Variants in GPC3 observed in about 807,000 individuals in gnomAD.
GPC3 encodes the protein glypican 3.
GPC3 carries 3 observed loss-of-function variants against 34.4 expected under a neutral mutation model. The observed-to-expected ratio is 0.09, with a 90% CI of 0.04 to 0.23. The LOEUF is 0.23. Among genes scored for constraint, GPC3 ranks in the 10% least tolerant of loss-of-function variants. GPC3 has a pLI of 1.00. For missense variants in GPC3, 351 were observed against 445.6 expected (o/e 0.79, Z 1.91); for synonymous variants, 177 against 174.0 (o/e 1.02, Z -0.13).
intron 3 of GPC3, among the ~76,000 whole-genome samples, chrX:133,729,900 TAAAG>T (rs2071446091): frequency 8.9e-6 from 1 of 112,580 alleles, no homozygotes. Flanking sequence ...GACAAAGGTA[TAAAG>T]AAAGTTTCTG....
chrX:133,863,717 G>A (rs1398230341), intron 2 of GPC3, among the ~76,000 whole-genome samples: 25 of 93,811 alleles, frequency 2.7e-4, no homozygotes, highest in African/African-American at 4.9e-4. Flanking sequence ...CTGCAGTGGC[G>A]CAATCTCGGC....
chrX:133,952,065 T>A (rs1337462783), intron 2 of GPC3, among the ~76,000 whole-genome samples: 1 of 110,714 alleles, frequency 9.0e-6, no homozygotes, highest in Non-Finnish European at 1.9e-5. Flanking sequence ...GAAAGACTGA[T>A]AATTAATTAA....
chrX:133,791,797 T>TTTCC (rs199692354), intron 2 of GPC3, among the ~76,000 whole-genome samples: 2,434 of 80,079 alleles, frequency 0.03, 48 homozygotes, highest in East Asian at 0.076. Flanking sequence ...TCCTTTTTCT[T>TTTCC]TTCCTTCCTT....
At chrX:133,828,015 C>T (rs2075757771) in intron 2 of GPC3, among the ~76,000 whole-genome samples, 1 of 108,132 alleles carries the variant, frequency 9.2e-6, no homozygotes, top group Non-Finnish European at 1.9e-5. Context: ...TGGTATTAAC[C>T]TGAACTAAAT....
chrX:133,658,157 G>A (rs1193783511), intron 6 of GPC3, among the ~76,000 whole-genome samples: 2 of 111,234 alleles, frequency 1.8e-5, no homozygotes, highest in Admixed American at 9.5e-5. Context: ...GTTTGGCAGT[G>A]TATAGGAAAC....
intron 3 of GPC3, among the ~76,000 whole-genome samples, chrX:133,742,265 G>A (rs891224315): frequency 9.0e-6 from 1 of 111,728 alleles, no homozygotes; most frequent in African/African-American, 3.2e-5. Context: ...ACAGGCAGCT[G>A]GGATAGAAGG....
chrX:133,941,832 C>A (rs2076346160), intron 2 of GPC3, among the ~76,000 whole-genome samples: 1 of 112,311 alleles, frequency 8.9e-6, no homozygotes, highest in East Asian at 2.8e-4. Context: ...TCTGAATATA[C>A]AAAGAGCTGC....
intron 3 of GPC3, among the ~76,000 whole-genome samples, chrX:133,708,815 C>T (rs2071239722): frequency 8.9e-6 from 1 of 111,750 alleles, no homozygotes; most frequent in African/African-American, 3.2e-5. Context: ...AATGCTTTTC[C>T]TTTAAATATT....
At chrX:133,881,508 T>A (rs1271239236) in intron 2 of GPC3, among the ~76,000 whole-genome samples, 1 of 112,537 alleles carries the variant, frequency 8.9e-6, no homozygotes, top group Non-Finnish European at 1.9e-5. Context: ...AGCAAACGCA[T>A]TTATCAACCA....
chrX:133,613,178 A>G (rs1220090563), intron 6 of GPC3, among the ~76,000 whole-genome samples: 1 of 112,463 alleles, frequency 8.9e-6, no homozygotes, highest in Non-Finnish European at 1.9e-5. Flanking sequence ...ACTTCTCCCA[A>G]ATGAAGAATA....
intron 2 of GPC3, among the ~76,000 whole-genome samples, chrX:133,764,949 A>G (rs1466322834): frequency 9.0e-6 from 1 of 111,659 alleles, no homozygotes; most frequent in Non-Finnish European, 1.9e-5. Flanking sequence ...CACGGCTAAG[A>G]AATGACACCT....
intron 1 of GPC3, among the ~76,000 whole-genome samples, chrX:133,979,274 C>T (rs2076528605): frequency 8.9e-6 from 1 of 111,841 alleles, no homozygotes; most frequent in Admixed American, 9.6e-5. Context: ...ATTAACTGTT[C>T]GGAACACTAG....
At chrX:133,544,850 C>T (rs1023487395) in intron 7 of GPC3, among the ~76,000 whole-genome samples, 1 of 111,526 alleles carries the variant, frequency 9.0e-6, no homozygotes, top group Non-Finnish European at 1.9e-5. Context: ...TATTTAGGCA[C>T]ATCATGAGTC....
intron 2 of GPC3, among the ~76,000 whole-genome samples, chrX:133,865,485 C>T (rs1421518932): frequency 2.7e-5 from 3 of 111,225 alleles, no homozygotes; most frequent in Non-Finnish European, 3.8e-5. Context: ...TTAAATGAAA[C>T]GGGAGGAAAA....
At chrX:133,947,385 C>G (rs2076373560) in intron 2 of GPC3, among the ~76,000 whole-genome samples, 1 of 111,112 alleles carries the variant, frequency 9.0e-6, no homozygotes, top group African/African-American at 3.3e-5. Context: ...CATGGTTGGC[C>G]CCAGAATGGT....
At chrX:133,827,502 G>T (rs2124540817) in intron 2 of GPC3, among the ~76,000 whole-genome samples, 1 of 111,701 alleles carries the variant, frequency 9.0e-6, no homozygotes, top group South Asian at 3.8e-4. Context: ...AAGATTTTAG[G>T]CCGGGCATGG....
Position 133,953,186 on chromosome X carries a change from A to G in GPC3, c.201T>C (p.Pro67=), listed in dbSNP as rs778084298. 8.3e-7 allele frequency: 1 copy of G among 1,209,595 alleles called. No homozygotes were observed. Among genetic ancestry groups the G allele is most frequent in the Non-Finnish European group, 1.1e-6 (1 of 894,048 alleles). Residue 67 remains proline, a synonymous_variant, in exon 2 of 8, where the codon CCT becomes CCC. Coordinates refer to ENST00000370818, the MANE Select transcript of GPC3 (RefSeq NM_004484.4). ...VPGSDLQVCL[P]KGPTCCSRKM... is the part of the protein sequence containing the mutation. Reference sequence around the variant, plus strand: ...TTCTTGAGCAGCATGTTGGGCCCTTAGGGAGACATACTTGCAAATCTGATC... The same window carrying G: ...TTCTTGAGCAGCATGTTGGGCCCTTGGGGAGACATACTTGCAAATCTGATC...
intron 3 of GPC3, among the ~76,000 whole-genome samples, chrX:133,702,317 C>T (rs1181495930): frequency 8.9e-6 from 1 of 112,106 alleles, no homozygotes. Context: ...ATGTTTGTTC[C>T]ATAAATATCT....
intron 2 of GPC3, among the ~76,000 whole-genome samples, chrX:133,939,574 TCAC>T (rs2076336245): frequency 9.0e-6 from 1 of 111,712 alleles, no homozygotes; most frequent in African/African-American, 3.3e-5. Context: ...GGGAGTAATT[TCAC>T]CATACAACTA....
Sources: allele counts gnomAD v4.1 joint callset (sites outside exome capture counted in the v4.1 genomes callset), GRCh38; gene constraint gnomAD v4.1.1; transcripts MANE v1.5; gene names NCBI Gene and HGNC (gene_info 2026-07-23, HGNC 2026-07-21).